The following NCOA3 variants were observed in gnomAD, a reference collection of about 807,000 sequenced individuals.
NCOA3 encodes the protein nuclear receptor coactivator 3.
Under a neutral mutation model 158.8 loss-of-function variants are expected in NCOA3, and 51 were observed. The ratio of observed to expected loss-of-function variants is 0.32; its 90% confidence interval spans 0.26 to 0.41. The LOEUF is 0.41. NCOA3 is among the 10% of genes least tolerant of loss of function. NCOA3 has a pLI of 1.00. For synonymous variants in NCOA3, 537 were observed against 592.4 expected (o/e 0.91, Z 1.36); for missense variants, 1,510 against 1,746.6 (o/e 0.86, Z 2.41).
At chr20:47,563,375 G>T (rs12480514) in intron 1 of NCOA3, among the ~76,000 whole-genome samples, 3 of 152,164 alleles carry the variant, frequency 2.0e-5, no homozygotes, top group Admixed American at 2.0e-4. Flanking sequence ...TCTGATAGGG[G>T]ATGTTTATGA....
intron 1 of NCOA3, among the ~76,000 whole-genome samples, chr20:47,530,535 T>C (rs1354241596): frequency 6.6e-6 from 1 of 150,402 alleles, no homozygotes; most frequent in East Asian, 2.0e-4. Flanking sequence ...CGATCTTGGC[T>C]CATTGCAACC....
intron 19 of NCOA3, among the ~76,000 whole-genome samples, chr20:47,650,070 T>G (rs2086757379): frequency 6.6e-6 from 1 of 152,036 alleles, no homozygotes; most frequent in Non-Finnish European, 1.5e-5. Context: ...CTCATTTTCC[T>G]GTAATTGTCT....
At chr20:47,507,631 GT>G (rs2084050207) in intron 1 of NCOA3, among the ~76,000 whole-genome samples, 1 of 151,926 alleles carries the variant, frequency 6.6e-6, no homozygotes, top group Non-Finnish European at 1.5e-5. Flanking sequence ...TGTTGTTGTT[GT>G]TTTGAGATGG....
chr20:47,515,573 C>T (rs1169222706), intron 1 of NCOA3, among the ~76,000 whole-genome samples: 1 of 150,684 alleles, frequency 6.6e-6, no homozygotes, highest in Admixed American at 6.7e-5. Flanking sequence ...TGCAGTCTGC[C>T]TTCTGGGTTT....
At position 47,651,828 on chromosome 20, in the gene NCOA3, GT is replaced by G. The variant is rs796088611; in HGVS notation, c.3946+563del. ...CAGGTGCATTCCACCACCCCCGGCT[GT>G]TTTTTTTTTTAAATTTTTAATAGAG... On this transcript the variant is annotated intron_variant, in intron 20 of 22. Transcript: ENST00000371998. Among the ~76,000 whole-genome samples the G allele has an allele frequency of 2.4e-4, 35 of 145,968 alleles. 1 individual carries two copies. Among genetic ancestry groups the G allele is most frequent in the Middle Eastern group, 3.6e-3 (1 of 280 alleles).
At chr20:47,570,613 T>A (rs1321056596) in intron 1 of NCOA3, among the ~76,000 whole-genome samples, 2 of 152,112 alleles carry the variant, frequency 1.3e-5, no homozygotes, top group East Asian at 3.9e-4. Context: ...AGAGTTGGAA[T>A]CAACGTCTTT....
intron 1 of NCOA3, among the ~76,000 whole-genome samples, chr20:47,536,580 C>T (rs1457036496): frequency 6.6e-6 from 1 of 152,102 alleles, no homozygotes; most frequent in Non-Finnish European, 1.5e-5. Flanking sequence ...GTTGTCATGC[C>T]TTTGTCATTC....
chr20:47,586,725 A>G (rs2146229353), intron 2 of NCOA3, among the ~76,000 whole-genome samples: 1 of 152,284 alleles, frequency 6.6e-6, no homozygotes, highest in South Asian at 2.1e-4. Flanking sequence ...TTTTGAGAAC[A>G]CAACCCTTCC....
At chr20:47,581,735 A>G (rs1417372574) in intron 1 of NCOA3, among the ~76,000 whole-genome samples, 3 of 152,196 alleles carry the variant, frequency 2.0e-5, no homozygotes, top group Non-Finnish European at 4.4e-5. Context: ...TTACTGGTTC[A>G]CTTATTTATT....
intron 1 of NCOA3, among the ~76,000 whole-genome samples, chr20:47,541,346 C>T (rs1253432546): frequency 2.3e-4 from 2 of 8,738 alleles, no homozygotes; most frequent in South Asian, 0.026. Flanking sequence ...TCCCCACTCT[C>T]CCCTCCCCCC....
intron 1 of NCOA3, among the ~76,000 whole-genome samples, chr20:47,545,712 C>T (rs1308154122): frequency 6.6e-6 from 1 of 150,530 alleles, no homozygotes; most frequent in African/African-American, 2.4e-5. Context: ...TATATTGGAT[C>T]ATCTTTGTGA....
chr20:47,616,770 C>T (rs1194992711), intron 2 of NCOA3, among the ~76,000 whole-genome samples: 2 of 152,080 alleles, frequency 1.3e-5, no homozygotes, highest in East Asian at 3.8e-4. Flanking sequence ...CTTGGAAGTG[C>T]ATTAGAGGTG....
intron 1 of NCOA3, among the ~76,000 whole-genome samples, chr20:47,574,909 T>A (rs979114027): frequency 1.3e-5 from 2 of 152,258 alleles, no homozygotes; most frequent in South Asian, 4.1e-4. Flanking sequence ...ATATCTGATA[T>A]AATTTTGACA....
At chr20:47,566,329 T>C (rs1473500027) in intron 1 of NCOA3, among the ~76,000 whole-genome samples, 2 of 152,148 alleles carry the variant, frequency 1.3e-5, no homozygotes, top group Non-Finnish European at 2.9e-5. Flanking sequence ...GATAATAAAA[T>C]AGTTAATTGA....
At chr20:47,648,541 C>T (rs1056975721) in intron 18 of NCOA3, among the ~76,000 whole-genome samples, 3 of 152,078 alleles carry the variant, frequency 2.0e-5, no homozygotes, top group African/African-American at 7.2e-5. Flanking sequence ...GGTGCAGTCA[C>T]AGCCCACTGC....
At position 47,638,935 on chromosome 20, in the gene NCOA3, G is replaced by T. The variant is rs1007032225; in HGVS notation, c.2513-73G>T. ...AGACATTCTTGGGTGGGGAGTGGTG[G>T]TATTTGTGTTTTGTACTTGATTATT... On this transcript the variant is annotated intron_variant, in intron 13 of 22. Coordinates refer to ENST00000371998, the MANE Select transcript of NCOA3 (RefSeq NM_181659.3). The T allele has an allele frequency of 4.3e-6, 5 of 1,172,832 alleles. No individual in the cohort carries two copies. The African/African-American group carries it at 7.8e-5, about 18-fold the overall frequency. 72.7% of individuals were successfully genotyped at this position (1,172,832 alleles called of 1,614,324 possible).
At chr20:47,524,217 TA>T (rs1568653091) in intron 1 of NCOA3, among the ~76,000 whole-genome samples, 2 of 151,920 alleles carry the variant, frequency 1.3e-5, no homozygotes, top group African/African-American at 2.4e-5. Flanking sequence ...TGCCAGAATG[TA>T]GAGAGAGAGA....
chr20:47,520,358 T>C (rs1211465485), intron 1 of NCOA3, among the ~76,000 whole-genome samples: 4 of 152,214 alleles, frequency 2.6e-5, no homozygotes, highest in Non-Finnish European at 4.4e-5. Context: ...CTGCTGGTCT[T>C]TCCCTGCCTC....
chr20:47,639,480 G>C (rs2086569138), intron 14 of NCOA3, 97 bp from the exon 15 acceptor site: 2 of 1,483,642 alleles, frequency 1.3e-6, no homozygotes, highest in South Asian at 1.3e-5. Context: ...GTGCTGTTTT[G>C]TCAAGGTTGA....
Sources: allele counts gnomAD v4.1 joint callset (sites outside exome capture counted in the v4.1 genomes callset), GRCh38; gene constraint gnomAD v4.1.1; transcripts MANE v1.5; gene names NCBI Gene and HGNC (gene_info 2026-07-23, HGNC 2026-07-21).